Variants in MTUS1 observed in about 807,000 individuals in gnomAD.
MTUS1 encodes microtubule associated scaffold protein 1, also known as microtubule-associated tumor suppressor 1.
In MTUS1, 109 loss-of-function variants were observed where a neutral mutation model predicts 120.8. The observed-to-expected ratio is 0.90, with a 90% CI of 0.77 to 1.06. MTUS1 has a LOEUF of 1.06. MTUS1 is among the 50% of genes least tolerant of loss of function. The pLI, the probability that MTUS1 is intolerant of heterozygous loss-of-function variation, is 0.00. For missense variants in MTUS1, 2,210 were observed against 1,486.3 expected (o/e 1.49, Z -8.01); for synonymous variants, 737 against 550.5 (o/e 1.34, Z -4.74).
chr8:17,710,909 A>G (rs1352528144), intron 6 of MTUS1, among the ~76,000 whole-genome samples: 1 of 152,222 alleles, frequency 6.6e-6, no homozygotes, highest in Non-Finnish European at 1.5e-5. Flanking sequence ...ACTATGTAAT[A>G]CACTATACTA....
In MTUS1 at chr8:17,654,592, C is replaced by G; in HGVS notation, c.3183G>C (p.Leu1061Phe). ...IEASHSEKLE[L>F]LKKAYEASLS... ...GGGAGGCTTCATAGGCCTTCTTTAG[C>G]AATTCAAGTTTCTCTGAGTGGCTAG... The change falls in exon 10 of 15, where the codon TTG becomes TTC. Residue 1061 changes from leucine (L) to phenylalanine (F), a missense_variant. Leu to Phe is a conservative substitution (Grantham distance 22). Coordinates refer to ENST00000693296, the MANE Select transcript of MTUS1 (RefSeq NM_001363059.2). The G allele has an allele frequency of 1.2e-6, 2 of 1,613,932 alleles. No homozygotes were observed. Among genetic ancestry groups the G allele is most frequent in the Middle Eastern group, 1.7e-4 (1 of 6,060 alleles).
Position 17,754,930 on chromosome 8 carries a change from G to T in MTUS1, c.878C>A (p.Thr293Lys), listed in dbSNP as rs771349847. 3.1e-6 allele frequency: 5 copies of T among 1,614,112 alleles called. No individual in the cohort carries two copies. The South Asian group carries it at 5.5e-5, about 18-fold the overall frequency. ...GACTTCCATGCCATCAGAAACTGGT[G>T]TTAGTGCTTGTGTCTCCTTTTCTCC... ...LVGEKETQAL[T>K]PVSDGMEVPN... The change falls in exon 2 of 15, where the codon ACA becomes AAA. Residue 293 changes from threonine to lysine, a missense_variant. Transcript: ENST00000693296.
intron 1 of MTUS1, among the ~76,000 whole-genome samples, chr8:17,774,985 A>C (rs1487594259): frequency 4.6e-5 from 7 of 150,844 alleles, no homozygotes; most frequent in Non-Finnish European, 4.4e-5. Context: ...AAAAAAAAAA[A>C]AAAAAAAACC....
chr8:17,664,342 T>C (rs1424996949), intron 8 of MTUS1, among the ~76,000 whole-genome samples: 1 of 152,078 alleles, frequency 6.6e-6, no homozygotes, highest in Non-Finnish European at 1.5e-5. Context: ...CATAAGAGAA[T>C]ACCATAGAAA....
At position 17,769,448 on chromosome 8, in the gene MTUS1, C is replaced by T. The variant is rs572436037; in HGVS notation, c.-154-13487G>A. ...CTGCAAGCTCCGCCTCCCGGGTTCA[C>T]GCCATTCTCCTGCCTCAGCCTCCCC... On this transcript the variant is annotated intron_variant, in intron 1 of 14. Coordinates refer to ENST00000693296, the MANE Select transcript of MTUS1 (RefSeq NM_001363059.2). Among the ~76,000 whole-genome samples, 8 of 150,554 alleles carry T rather than the reference C, an allele frequency of 5.3e-5. No individual in the cohort carries two copies. In the South Asian group the frequency reaches 6.3e-4, roughly 12 times the overall value.
chr8:17,657,659 T>TAAAAAAAA (rs60180794), intron 8 of MTUS1, among the ~76,000 whole-genome samples: 1 of 136,208 alleles, frequency 7.3e-6, no homozygotes. Flanking sequence ...CTCTTAAAAT[T>TAAAAAAAA]AAAAAAAAAA....
chr8:17,685,245 C>T (rs1416614082), intron 6 of MTUS1, among the ~76,000 whole-genome samples: 1 of 152,016 alleles, frequency 6.6e-6, no homozygotes, highest in Non-Finnish European at 1.5e-5. Flanking sequence ...TGCTAACACT[C>T]CAAATCCACC....
chr8:17,652,522 G>A (rs910392595), intron 12 of MTUS1, among the ~76,000 whole-genome samples: 1 of 152,006 alleles, frequency 6.6e-6, no homozygotes, highest in African/African-American at 2.4e-5. Context: ...CTGCTAATGG[G>A]TCCAGGGTTC....
chr8:17,766,653 G>C (rs2049524651), intron 1 of MTUS1, among the ~76,000 whole-genome samples: 1 of 152,146 alleles, frequency 6.6e-6, no homozygotes, highest in African/African-American at 2.4e-5. Flanking sequence ...GTATTGTCCT[G>C]GTTTTCTGGT....
chr8:17,733,108 T>C (rs2046699027), intron 3 of MTUS1, among the ~76,000 whole-genome samples: 2 of 152,142 alleles, frequency 1.3e-5, no homozygotes, highest in Non-Finnish European at 2.9e-5. Context: ...CCCAGCACTT[T>C]GGAAGGCCGA....
intron 2 of MTUS1, among the ~76,000 whole-genome samples, chr8:17,744,926 C>A (rs1315520493): frequency 3.3e-5 from 5 of 152,074 alleles, no homozygotes; most frequent in Non-Finnish European, 7.4e-5. Context: ...TCTTCCCAGA[C>A]CAAACTAACG....
intron 7 of MTUS1, chr8:17,681,444 G>C (rs1429539471): frequency 6.5e-6 from 1 of 152,856 alleles, no homozygotes; most frequent in Non-Finnish European, 1.5e-5. Flanking sequence ...TTACGTCCTG[G>C]TTCTCCTCTT....
chr8:17,653,702 A>T, intron 10 of MTUS1: 1 of 492,708 alleles, frequency 2.0e-6, no homozygotes, highest in Non-Finnish European at 3.5e-6. Context: ...CCATTTTATG[A>T]CTGAGAGCCC....
intron 1 of MTUS1, among the ~76,000 whole-genome samples, chr8:17,790,769 T>C (rs183160354): frequency 1.9e-3 from 288 of 152,278 alleles, no homozygotes; most frequent in Middle Eastern, 3.4e-3. Context: ...GGTGGATCAC[T>C]TGAGGTCAAG....
chr8:17,795,187 G>C (rs748380986), intron 1 of MTUS1, among the ~76,000 whole-genome samples: 1 of 152,126 alleles, frequency 6.6e-6, no homozygotes, highest in Non-Finnish European at 1.5e-5. Flanking sequence ...AAGACTTAAT[G>C]AACACTGTCA....
At chr8:17,736,968 C>T (rs2046976342) in intron 3 of MTUS1, among the ~76,000 whole-genome samples, 1 of 152,178 alleles carries the variant, frequency 6.6e-6, no homozygotes, top group African/African-American at 2.4e-5. Context: ...TTTAAGCTCC[C>T]TAATGGAAGG....
chr8:17,754,193 C>T lies in MTUS1; in HGVS notation c.1615G>A (p.Ala539Thr), dbSNP rs1431528133. 6 of 1,613,844 alleles carry T rather than the reference C, an allele frequency of 3.7e-6. No homozygotes were observed. In the African/African-American group the frequency reaches 8.0e-5, roughly 22 times the overall value. Residue 539 changes from alanine to threonine, a missense_variant, in exon 2 of 15, where the codon GCC becomes ACC. Physicochemically the swap from Ala to Thr is moderately conservative, Grantham distance 58 (BLOSUM62 0). Coordinates refer to ENST00000693296, the MANE Select transcript of MTUS1 (RefSeq NM_001363059.2). ...GAATTCACTGATGAGGGTGATGAGG[C>T]ACTGGTCTGCTGAGGTCTGGGCGTG... is the stretch of plus-strand genomic sequence containing the variant. Reference protein sequence around the residue: ...KVTPRPQQTSASSPSSVNSRQ... With the variant: ...KVTPRPQQTSTSSPSSVNSRQ...
At chr8:17,736,446 TCCCGCCTGACA>T (rs2046934694) in intron 3 of MTUS1, among the ~76,000 whole-genome samples, 1 of 152,184 alleles carries the variant, frequency 6.6e-6, no homozygotes, top group Non-Finnish European at 1.5e-5. Flanking sequence ...TGGAAAGTCC[TCCCGCCTGACA>T]CCCAAATGCC....
At chr8:17,770,988 A>C (rs903517500) in intron 1 of MTUS1, among the ~76,000 whole-genome samples, 6 of 152,194 alleles carry the variant, frequency 3.9e-5, no homozygotes, top group African/African-American at 1.4e-4. Flanking sequence ...GATAATGAAA[A>C]AGAAAAAAAG....
Sources: allele counts gnomAD v4.1 joint callset (sites outside exome capture counted in the v4.1 genomes callset), GRCh38; gene constraint gnomAD v4.1.1; transcripts MANE v1.5; gene names NCBI Gene and HGNC (gene_info 2026-07-23, HGNC 2026-07-21).